The following RNF144A variants were observed in gnomAD, a reference collection of about 807,000 sequenced individuals.
The protein encoded by RNF144A is E3 ubiquitin-protein ligase RNF144A.
In RNF144A, 11 loss-of-function variants were observed where a neutral mutation model predicts 38.7. That is an observed-to-expected ratio of 0.28 (90% CI 0.18 to 0.47). The LOEUF (loss-of-function observed/expected upper bound fraction) is 0.47, where lower values mean the gene tolerates loss of function less well. Among genes scored for constraint, RNF144A ranks in the 20% least tolerant of loss-of-function variants. The pLI is 0.99. For synonymous variants in RNF144A, 149 were observed against 143.9 expected (o/e 1.04, Z -0.25); for missense variants, 316 against 377.2 (o/e 0.84, Z 1.34).
At chr2:7,025,201 C>T (rs1376507141) in intron 7 of RNF144A, among the ~76,000 whole-genome samples, 3 of 152,196 alleles carry the variant, frequency 2.0e-5, no homozygotes, top group Non-Finnish European at 2.9e-5. Flanking sequence ...ATGTCCCTGA[C>T]GGGAGGGCAC....
At chr2:6,921,171 C>G (rs1664514736) in intron 1 of RNF144A, among the ~76,000 whole-genome samples, 1 of 152,202 alleles carries the variant, frequency 6.6e-6, no homozygotes. Context: ...TGGCTCATTG[C>G]TGATAGGAGC....
intron 2 of RNF144A, among the ~76,000 whole-genome samples, chr2:6,980,892 G>A (rs1210327028): frequency 1.3e-5 from 2 of 152,218 alleles, no homozygotes; most frequent in African/African-American, 2.4e-5. Flanking sequence ...CTCTGAAATC[G>A]AGGTGGAGGC....
At chr2:6,936,361 AT>A (rs1665579353) in intron 1 of RNF144A, among the ~76,000 whole-genome samples, 1 of 152,220 alleles carries the variant, frequency 6.6e-6, no homozygotes, top group African/African-American at 2.4e-5. Flanking sequence ...ATAGATGCAT[AT>A]ATACACACGT....
intron 2 of RNF144A, among the ~76,000 whole-genome samples, chr2:6,965,841 A>G (rs1053892206): frequency 6.6e-6 from 1 of 152,160 alleles, no homozygotes; most frequent in Non-Finnish European, 1.5e-5. Context: ...AAATTTGCCT[A>G]TCAGGGTTTT....
intron 2 of RNF144A, among the ~76,000 whole-genome samples, chr2:6,991,543 A>G (rs1669374660): frequency 6.6e-6 from 1 of 152,176 alleles, no homozygotes; most frequent in Non-Finnish European, 1.5e-5. Flanking sequence ...GAGGTGTAGC[A>G]CAGTAAATGG....
Position 7,042,936 on chromosome 2 carries a change from C to T in RNF144A, c.*3176C>T, listed in dbSNP as rs1184258175. The T allele has an allele frequency of 2.4e-6, 2 of 829,386 alleles. No individual in the cohort carries two copies. The highest frequency in any genetic ancestry group is 1.5e-6 in the Non-Finnish European group (1 of 688,150). The allele number at this position is 829,386 out of a possible 1,614,324, so 51.4% of individuals were successfully genotyped here. A position where few individuals can be genotyped will look rare whatever the true frequency, so the allele number is the denominator to read the frequency against. On this transcript the variant is annotated 3_prime_UTR_variant, in exon 9 of 9. Transcript: ENST00000320892. ...AAGCTGGAGTACAATGACAGGATCT[C>T]GGCTCACTGCAAGCTCTGCCTCCCG... is the stretch of plus-strand genomic sequence containing the variant.
intron 2 of RNF144A, among the ~76,000 whole-genome samples, chr2:6,974,201 A>G (rs1434715003): frequency 6.6e-6 from 1 of 152,218 alleles, no homozygotes; most frequent in Non-Finnish European, 1.5e-5. Flanking sequence ...TCAAGAAAGG[A>G]GAATGGCAGT....
At chr2:6,999,510 GTTA>G (rs1349848651) in intron 3 of RNF144A, among the ~76,000 whole-genome samples, 28 of 152,324 alleles carry the variant, frequency 1.8e-4, no homozygotes, top group Non-Finnish European at 2.9e-5. Context: ...TAAAAAAACA[GTTA>G]TTATGAAATT....
At position 7,042,875 on chromosome 2, in the gene RNF144A, T is replaced by C. The variant is rs1055073723; in HGVS notation, c.*3115T>C. On this transcript the variant is annotated 3_prime_UTR_variant, in exon 9 of 9. Coordinates refer to ENST00000320892, the MANE Select transcript of RNF144A (RefSeq NM_014746.6). ...CACCTCTGGCATTTTCTTTCTTTTT[T>C]TTTCTTTTTGAGACGGAGTTTCGCT... The C allele has an allele frequency of 1.8e-5, 18 of 985,120 alleles. No individual in the cohort carries two copies. In the African/African-American group the frequency reaches 2.8e-4, roughly 15 times the overall value. 61.0% of individuals were successfully genotyped at this position (985,120 alleles called of 1,614,324 possible). A position where few individuals can be genotyped will look rare whatever the true frequency, so the allele number is the denominator to read the frequency against.
Position 7,030,146 on chromosome 2 carries a change from C to T in RNF144A, c.678C>T (p.His226=). The change falls in exon 8 of 9, where the codon CAC becomes CAT. Residue 226 remains histidine (H), a synonymous_variant. Transcript: ENST00000320892. The part of the protein sequence containing the change: ...ESLDDDFLLI[H]YDKGPCRNKL... ...CACAGGATGATTTCCTTCTGATACA[C>T]TACGATAAGGGACCCTGCCGGAACA... 2.5e-6 allele frequency: 4 copies of T among 1,613,890 alleles called. No individual in the cohort carries two copies. The highest frequency in any genetic ancestry group is 3.3e-5 in the Admixed American group (2 of 60,032).
intron 2 of RNF144A, among the ~76,000 whole-genome samples, chr2:6,951,875 A>G (rs1469064814): frequency 1.3e-5 from 2 of 152,102 alleles, no homozygotes; most frequent in Admixed American, 6.5e-5. Flanking sequence ...CTGTTTATTC[A>G]TTTTCAATTC....
chr2:6,980,008 G>A (rs1173355662), intron 2 of RNF144A, among the ~76,000 whole-genome samples: 2 of 152,164 alleles, frequency 1.3e-5, no homozygotes, highest in African/African-American at 2.4e-5. Context: ...GAGAGCACAT[G>A]CAAGAGAAAC....
intron 6 of RNF144A, among the ~76,000 whole-genome samples, chr2:7,064,522 G>A (rs955505567): frequency 1.3e-5 from 2 of 152,200 alleles, no homozygotes; most frequent in Non-Finnish European, 2.9e-5. Context: ...AGGTGAACTA[G>A]TAGGCAGTGC....
At chr2:6,972,203 C>T (rs541319041) in intron 2 of RNF144A, among the ~76,000 whole-genome samples, 2 of 152,340 alleles carry the variant, frequency 1.3e-5, no homozygotes, top group East Asian at 3.9e-4. Flanking sequence ...TCTTTCCCTC[C>T]TCCTCATTCC....
chr2:7,071,790 T>A (rs1192139254), downstream of RNF144A, among the ~76,000 whole-genome samples: 1 of 152,236 alleles, frequency 6.6e-6, no homozygotes, highest in Non-Finnish European at 1.5e-5. Flanking sequence ...TGTAGCTATT[T>A]TGTAGATGTG....
intron 3 of RNF144A, among the ~76,000 whole-genome samples, chr2:6,997,782 C>T (rs1329630342): frequency 2.0e-5 from 3 of 152,038 alleles, no homozygotes; most frequent in Non-Finnish European, 2.9e-5. Context: ...GGTAGTTTCC[C>T]GGGGTCTGCA....
chr2:6,980,341 C>T (rs1169987627), intron 2 of RNF144A, among the ~76,000 whole-genome samples: 2 of 152,198 alleles, frequency 1.3e-5, no homozygotes, highest in African/African-American at 2.4e-5. Flanking sequence ...AAGTCCCTTC[C>T]ACCGAAGAGC....
chr2:7,033,770 G>A (rs905761881), intron 8 of RNF144A, among the ~76,000 whole-genome samples: 2 of 152,214 alleles, frequency 1.3e-5, no homozygotes, highest in Non-Finnish European at 2.9e-5. Flanking sequence ...ATACAGAAAA[G>A]TGCTCTTGGG....
chr2:7,043,098 C>A lies in RNF144A; in HGVS notation c.*3338C>A. The A allele has an allele frequency of 2.7e-6, 2 of 748,780 alleles. No individual in the cohort carries two copies. The highest frequency in any genetic ancestry group is 3.3e-6 in the Non-Finnish European group (2 of 614,254). The allele number at this position is 748,780 out of a possible 1,614,324, so 46.4% of individuals were successfully genotyped here. ...GGCCAGGCTACTCTCAAACTCCTGA[C>A]CTCAGGTGATCTGCCCACCTCGGCT... On this transcript the variant is annotated 3_prime_UTR_variant, in exon 9 of 9. Coordinates refer to ENST00000320892, the MANE Select transcript of RNF144A (RefSeq NM_014746.6).
Sources: gnomAD v4.1 joint callset for allele counts (sites outside exome capture counted in the v4.1 genomes callset) on GRCh38, gnomAD v4.1.1 for gene constraint, MANE v1.5 for transcripts, NCBI Gene and HGNC (gene_info 2026-07-23, HGNC 2026-07-21) for gene names.